The following PIN1 variants were observed in gnomAD, a reference collection of about 807,000 sequenced individuals.
PIN1 encodes peptidyl-prolyl cis-trans isomerase NIMA-interacting 1.
Under a neutral mutation model 19.9 loss-of-function variants are expected in PIN1, and 8 were observed. The observed-to-expected ratio is 0.40, with a 90% CI of 0.24 to 0.72. PIN1 has a LOEUF of 0.72. PIN1 is among the 30% of genes least tolerant of loss of function. The pLI, the probability that PIN1 is intolerant of heterozygous loss-of-function variation, is 0.37. For missense variants in PIN1, 185 were observed against 226.5 expected, an observed-to-expected ratio of 0.82 and a Z score of 1.18; for synonymous variants, 86 against 90.8, an observed-to-expected ratio of 0.95 and a Z score of 0.30.
rs372582123 is a variant in PIN1, at chr19:9,849,499, G to C, written c.*300G>C. On this transcript the variant is annotated 3_prime_UTR_variant, in exon 4 of 4. Coordinates refer to ENST00000247970, the MANE Select transcript of PIN1 (RefSeq NM_006221.4). ...GTGGGAGGGGTGTTCCAAAGAGAAG[G>C]CCTGGTCAGCAGAGCCGCCCCGTGT... is the stretch of plus-strand genomic sequence containing the variant. The C allele has an allele frequency of 2.8e-5, 19 of 677,080 alleles. No individual in the cohort carries two copies. Among genetic ancestry groups the C allele is most frequent in the Admixed American group, 1.2e-4 (7 of 56,124 alleles). The allele number at this position is 677,080 out of a possible 1,614,324, so 41.9% of individuals were successfully genotyped here. A position where few individuals can be genotyped will look rare whatever the true frequency, so the allele number is the denominator to read the frequency against.
rs1022952815 is a variant in PIN1, at chr19:9,849,023, C to T, written c.383-67C>T. On this transcript the variant is annotated intron_variant, in intron 3 of 3. Coordinates refer to ENST00000247970, the MANE Select transcript of PIN1 (RefSeq NM_006221.4). The stretch of plus-strand genomic sequence containing the variant: ...AGCCCCATCTGTCGCGGCTGCCACC[C>T]GCCCTGCCTCATCCTGGCCTCTGCC... 2.9e-5 allele frequency: 29 copies of T among 996,690 alleles called. No homozygotes were observed. The African/African-American group carries it at 3.3e-4, about 11-fold the overall frequency. The allele number at this position is 996,690 out of a possible 1,614,324, so 61.7% of individuals were successfully genotyped here.
intron 2 of PIN1, among the ~76,000 whole-genome samples, chr19:9,847,694 G>GTGTGTGTGTGCA (rs1165218204): frequency 8.5e-6 from 1 of 117,882 alleles, no homozygotes. Context: ...TCACGTGTGT[G>GTGTGTGTGTGCA]TGTGTGTGTG....
chr19:9,847,934 C>A, intron 2 of PIN1, 96 bp from the exon 3 acceptor site: 1 of 785,400 alleles, frequency 1.3e-6, no homozygotes. Context: ...TGAAGTGCTG[C>A]CTCCCCCGCT....
At chr19:9,842,316 C>T (rs571162588) in intron 2 of PIN1, among the ~76,000 whole-genome samples, 4 of 152,272 alleles carry the variant, frequency 2.6e-5, no homozygotes, top group Admixed American at 2.6e-4. Flanking sequence ...CCACCCTGGG[C>T]TCGTACAGGG....
intron 2 of PIN1, among the ~76,000 whole-genome samples, chr19:9,847,707 T>TGTGTGC (rs1555722192): frequency 4.0e-5 from 2 of 49,658 alleles, no homozygotes; most frequent in African/African-American, 8.5e-5. Flanking sequence ...TGTGTGTGCA[T>TGTGTGC]GTGTGTGTGC....
intron 1 of PIN1, 183 bp downstream of exon 1, chr19:9,835,585 CGGGAA>C (rs2046094293): frequency 6.5e-6 from 3 of 459,500 alleles, no homozygotes; most frequent in South Asian, 7.6e-5. Flanking sequence ...CAGGAGCCGC[CGGGAA>C]GCCTGAGGAA....
intron 2 of PIN1, among the ~76,000 whole-genome samples, chr19:9,842,572 A>C (rs919183212): frequency 2.6e-5 from 4 of 152,230 alleles, no homozygotes; most frequent in African/African-American, 9.6e-5. Flanking sequence ...AGTTCCGGAT[A>C]GGACCACAGG....
intron 2 of PIN1, 21 bp from the exon 3 acceptor site, chr19:9,848,009 C>G: frequency 1.3e-6 from 2 of 1,502,388 alleles, no homozygotes; most frequent in Non-Finnish European, 9.3e-7. Flanking sequence ...CTGGCACTCC[C>G]ATTCCGTTCC....
At position 9,845,134 on chromosome 19, in the gene PIN1, G is replaced by A. The variant is rs757204816; in HGVS notation, c.272-2896G>A. 2.0e-5 allele frequency among the ~76,000 whole-genome samples: 3 copies of A among 152,200 alleles called. No individual in the cohort carries two copies. The East Asian group carries it at 5.8e-4, about 29-fold the overall frequency. On this transcript the variant is annotated intron_variant, in intron 2 of 3. Transcript: ENST00000247970. ...TTAAACCAAGGTCTGCGAGGTGGGA[G>A]TCGGAGGATGTCATTGTCGCGGGGT...
intron 1 of PIN1, chr19:9,835,945 C>T (rs1395883919): frequency 2.6e-5 from 4 of 152,958 alleles, no homozygotes; most frequent in African/African-American, 7.2e-5. Context: ...TTGCCAGTAA[C>T]AGGGCATGTT....
In PIN1 at chr19:9,838,207, T is replaced by G; in HGVS notation, c.59-229T>G. The G allele has an allele frequency of 8.3e-6, 5 of 602,330 alleles. No homozygotes were observed. Among genetic ancestry groups the G allele is most frequent in the Non-Finnish European group, 1.2e-5 (4 of 334,746 alleles). 37.3% of individuals were successfully genotyped at this position (602,330 alleles called of 1,614,324 possible). A position where few individuals can be genotyped will look rare whatever the true frequency, so the allele number is the denominator to read the frequency against. ...CTATCCTGTGTTTCATTTGCTTGTT[T>G]AGCACCTGTCTGCTCTCACCTAGAA... is the stretch of plus-strand genomic sequence containing the variant. On this transcript the variant is annotated intron_variant, in intron 1 of 3. Transcript: ENST00000247970. The surrounding 1 kb of genome is among the most constrained non-coding windows in gnomAD (Gnocchi z 5.8).
At chr19:9,847,981 C>T (rs760603404) in intron 2 of PIN1, 49 bp from the exon 3 acceptor site, 5 of 1,165,658 alleles carry the variant, frequency 4.3e-6, no homozygotes, top group South Asian at 3.7e-5. Flanking sequence ...TCTGGTCAGG[C>T]CCCCCCCAAC....
At position 9,848,079 on chromosome 19, in the gene PIN1, C is replaced by T; in HGVS notation, c.321C>T (p.Ala107=). 6.2e-7 allele frequency: 1 copy of T among 1,613,704 alleles called. No individual in the cohort carries two copies. The highest frequency in any genetic ancestry group is 8.5e-7 in the Non-Finnish European group (1 of 1,179,692). ...GAGAGGAGGACTTTGAGTCTCTGGC[C>T]TCACAGTTCAGCGACTGCAGCTCAG... ...KSGEEDFESL[A]SQFSDCSSAK... Residue 107 remains alanine (A), a synonymous_variant, in exon 3 of 4, where the codon GCC becomes GCT. Coordinates refer to ENST00000247970, the MANE Select transcript of PIN1 (RefSeq NM_006221.4).
chr19:9,847,971 T>C (rs762498593), intron 2 of PIN1, 59 bp from the exon 3 acceptor site: 1 of 1,063,628 alleles, frequency 9.4e-7, no homozygotes, highest in Non-Finnish European at 1.5e-6. Flanking sequence ...CTCCATCCTG[T>C]CTGGTCAGGC....
At chr19:9,847,937 C>T in intron 2 of PIN1, 93 bp from the exon 3 acceptor site, 1 of 796,966 alleles carries the variant, frequency 1.3e-6, no homozygotes, top group Non-Finnish European at 2.2e-6. Flanking sequence ...AGTGCTGCCT[C>T]CCCCGCTGGC....
chr19:9,836,805 T>G, intron 1 of PIN1: 1 of 1,285,406 alleles, frequency 7.8e-7, no homozygotes, highest in Non-Finnish European at 1.0e-6. Flanking sequence ...TGCCTTCCCC[T>G]GTGTGTGCCT....
Position 9,849,098 on chromosome 19 carries a change from C to CAGA in PIN1, c.394_396dup (p.Lys132dup). On this transcript the variant is annotated inframe_insertion, in exon 4 of 4. Transcript: ENST00000247970. ...CCCCTCCTGGCTCCCAGGTCAGATG[C>CAGA]AGAAGCCATTTGAAGACGCCTCGTT... 1 of 1,611,956 alleles carries CAGA rather than the reference C, an allele frequency of 6.2e-7. No homozygotes were observed. Among genetic ancestry groups the CAGA allele is most frequent in the Non-Finnish European group, 8.5e-7 (1 of 1,178,164 alleles).
chr19:9,848,552 C>T lies in PIN1; in HGVS notation c.382+412C>T, dbSNP rs1043207256. On this transcript the variant is annotated intron_variant, in intron 3 of 3. Coordinates refer to ENST00000247970, the MANE Select transcript of PIN1 (RefSeq NM_006221.4). ...AAACCAGGGGTGAGAGGAGGTGGCC[C>T]TGAGTTTAGGCCTGTCTGGCCAGGA... The T allele has an allele frequency of 5.8e-4, 152 of 262,674 alleles. 1 individual carries two copies. The highest frequency in any genetic ancestry group is 5.2e-4 in the Non-Finnish European group (70 of 133,548). 16.3% of individuals were successfully genotyped at this position (262,674 alleles called of 1,614,324 possible).
chr19:9,838,740 C>A lies in PIN1; in HGVS notation c.271+92C>A. The A allele has an allele frequency of 9.4e-7, 1 of 1,068,066 alleles. No individual in the cohort carries two copies. The highest frequency in any genetic ancestry group is 1.5e-5 in the South Asian group (1 of 67,878). The allele number at this position is 1,068,066 out of a possible 1,614,324, so 66.2% of individuals were successfully genotyped here. On this transcript the variant is annotated intron_variant, in intron 2 of 3. Coordinates refer to ENST00000247970, the MANE Select transcript of PIN1 (RefSeq NM_006221.4). This position sits in a 1 kb window ranked among gnomAD's most constrained non-coding sequence, Gnocchi z 5.8. ...ATCAGACCCTTCACCCCAGCTTGCT[C>A]AGCTGCCAGGCGTGGTGTTGGCCAA...
Sources: gnomAD v4.1 joint callset for allele counts (sites outside exome capture counted in the v4.1 genomes callset) on GRCh38, gnomAD v4.1.1 for gene constraint, Gnocchi (gnomAD v3.1) non-coding constraint, MANE v1.5 for transcripts, NCBI Gene and HGNC (gene_info 2026-07-23, HGNC 2026-07-21) for gene names.